PCLO: variants seen among roughly 807,000 people sequenced by gnomAD.
The protein encoded by PCLO is protein piccolo.
Under a neutral mutation model 427.5 loss-of-function variants are expected in PCLO, and 82 were observed. The observed-to-expected ratio is 0.19, with a 90% CI of 0.16 to 0.23. The LOEUF is 0.23. Ranked by LOEUF, PCLO falls within the 10% of genes least tolerant of loss-of-function variation. The pLI is 1.00. For synonymous variants in PCLO, 2,357 were observed against 2,155.4 expected (o/e 1.09, Z -2.59); for missense variants, 6,239 against 6,115.9 (o/e 1.02, Z -0.67).
Position 82,959,799 on chromosome 7 carries a change from C to T in PCLO, c.4018-2864G>A, listed in dbSNP as rs567634634. On this transcript the variant is annotated intron_variant, in intron 4 of 24. Coordinates refer to ENST00000333891, the MANE Select transcript of PCLO (RefSeq NM_033026.6). ...TGGTGATGCTGCAATGATTTTTTTT[C>T]CCCTAAATAACTTTTGCATATTATA... 3.9e-5 allele frequency among the ~76,000 whole-genome samples: 6 copies of T among 152,148 alleles called. No homozygotes were observed. The East Asian group carries it at 1.2e-3, about 29-fold the overall frequency.
intron 3 of PCLO, among the ~76,000 whole-genome samples, chr7:83,040,812 T>A (rs2116209993): frequency 6.6e-6 from 1 of 152,308 alleles, no homozygotes; most frequent in African/African-American, 2.4e-5. Context: ...GCAAAATCTC[T>A]GAGTGATGGA....
chr7:82,965,964 T>G lies in PCLO; in HGVS notation c.3824A>C (p.Lys1275Thr). The change falls in exon 4 of 25, where the codon AAG (lysine) becomes ACG (threonine). Residue 1275 changes from lysine (K) to threonine (T), a missense_variant. This residue lies in a region of PCLO where 4,677 missense variants were observed against 4,468.4 expected (regional missense o/e 1.05). Transcript: ENST00000333891. Reference protein sequence around the residue: ...LKSQVQIAEEKLEGRVAPKTV... With the variant: ...LKSQVQIAEETLEGRVAPKTV... Reference sequence around the variant, plus strand: ...CTTTGGAGCCACTCTGCCTTCAAGCTTTTCTTCAGCAATTTGTACTTGAGA... The same window carrying G: ...CTTTGGAGCCACTCTGCCTTCAAGCGTTTCTTCAGCAATTTGTACTTGAGA... 3 of 1,613,848 alleles carry G rather than the reference T, an allele frequency of 1.9e-6. No individual in the cohort carries two copies. Among genetic ancestry groups the G allele is most frequent in the African/African-American group, 1.3e-5 (1 of 75,020 alleles).
chr7:82,943,670 C>A (rs560012238), intron 6 of PCLO, among the ~76,000 whole-genome samples: 1 of 152,046 alleles, frequency 6.6e-6, no homozygotes, highest in Admixed American at 6.6e-5. Flanking sequence ...GGATGTAAAT[C>A]AGTCTCATTG....
rs201039517 is a variant in PCLO, at chr7:83,062,273, A to C, written c.3300+71977T>G. Reference sequence around the variant, plus strand: ...TGAAGAATCAATGCTCCTGCTAAGAAGTAACATTTCTTTTCACCAATGTGC... The same window carrying C: ...TGAAGAATCAATGCTCCTGCTAAGACGTAACATTTCTTTTCACCAATGTGC... On this transcript the variant is annotated intron_variant, in intron 3 of 24. Transcript: ENST00000333891. Among the ~76,000 whole-genome samples, 4 of 152,284 alleles carry C rather than the reference A, an allele frequency of 2.6e-5. No homozygotes were observed. In the East Asian group the frequency reaches 5.8e-4, roughly 22 times the overall value.
At chr7:82,976,326 C>G (rs1335089606) in intron 3 of PCLO, among the ~76,000 whole-genome samples, 1 of 152,176 alleles carries the variant, frequency 6.6e-6, no homozygotes, top group Non-Finnish European at 1.5e-5. Flanking sequence ...ATCCTCTCCC[C>G]TACTTTAAAT....
chr7:82,835,782 G>T, intron 15 of PCLO, 89 bp from the exon 16 acceptor site: 1 of 973,966 alleles, frequency 1.0e-6, no homozygotes. Flanking sequence ...AAATAAGAAA[G>T]AAAACATGAA....
rs201777062 is a variant in PCLO, at chr7:82,950,308, C to A, written c.10280G>T (p.Gly3427Val). The change falls in exon 6 of 25, where the codon GGA becomes GTA. Residue 3427 changes from glycine to valine, a missense_variant. Around this residue, in one of 5 missense-constraint regions of PCLO, gnomAD observed 4,677 missense variants for 4,468.4 expected, o/e 1.05. Transcript: ENST00000333891. ...TCGGGGATCATCTGTCATATTTTCT[C>A]CCATGTCATCATACTGTCCTCGGAC... ...AKVRGQYDDM[G>V]ENMTDDPRSF... The A allele has an allele frequency of 8.7e-6, 14 of 1,613,508 alleles. No individual in the cohort carries two copies. In the African/African-American group the frequency reaches 1.9e-4, roughly 22 times the overall value.
intron 16 of PCLO, among the ~76,000 whole-genome samples, chr7:82,832,800 T>TACACACACACACAC (rs10645073): frequency 4.3e-5 from 6 of 140,696 alleles, no homozygotes; most frequent in East Asian, 2.1e-4. Flanking sequence ...CTAAACTTAC[T>TACACACACACACAC]ACACACACAC....
intron 20 of PCLO, among the ~76,000 whole-genome samples, chr7:82,810,867 G>C (rs1342416299): frequency 6.6e-6 from 1 of 151,602 alleles, no homozygotes; most frequent in African/African-American, 2.4e-5. Flanking sequence ...TTTGCTCTGA[G>C]AGCACGGATT....
intron 3 of PCLO, among the ~76,000 whole-genome samples, chr7:83,068,065 A>G (rs942062901): frequency 2.0e-5 from 3 of 152,210 alleles, no homozygotes; most frequent in African/African-American, 7.2e-5. Flanking sequence ...TGGGTAATAT[A>G]TAAAAGTCAA....
At chr7:82,866,692 A>T (rs1793102380) in intron 10 of PCLO, among the ~76,000 whole-genome samples, 1 of 147,120 alleles carries the variant, frequency 6.8e-6, no homozygotes, top group South Asian at 2.1e-4. Context: ...ACACACACAC[A>T]CACACCCCTT....
At chr7:83,161,609 AT>A (rs1792438518) in intron 1 of PCLO, among the ~76,000 whole-genome samples, 2 of 152,232 alleles carry the variant, frequency 1.3e-5, no homozygotes, top group African/African-American at 4.8e-5. Flanking sequence ...AAAAGTATGT[AT>A]TGAAAATTAT....
rs140711638 is a variant in PCLO at position 82,769,053 on chromosome 7, A to C, written c.15008-7560T>G. On this transcript the variant is annotated intron_variant, in intron 22 of 24. Coordinates refer to ENST00000333891, the MANE Select transcript of PCLO (RefSeq NM_033026.6). The stretch of plus-strand genomic sequence containing the variant: ...GGCTGAACTTTAATCTAGATCTTCT[A>C]ATTTTAAGTCTAAGGCTCCATTCTC... 7.6e-3 allele frequency among the ~76,000 whole-genome samples: 1,152 copies of C among 152,288 alleles called. 6 individuals are homozygous for C. Among genetic ancestry groups the C allele is most frequent in the Non-Finnish European group, 0.01 (706 of 68,016 alleles).
intron 24 of PCLO, among the ~76,000 whole-genome samples, chr7:82,759,379 C>A (rs535755467): frequency 5.9e-5 from 9 of 151,808 alleles, no homozygotes; most frequent in Non-Finnish European, 1.0e-4. Flanking sequence ...TTATTCCTGG[C>A]GAAAACTTTT....
chr7:83,087,945 A>AT (rs1277360535), intron 3 of PCLO, among the ~76,000 whole-genome samples: 1 of 152,212 alleles, frequency 6.6e-6, no homozygotes. Flanking sequence ...AAATTGCCGA[A>AT]TTGATTTAAC....
intron 2 of PCLO, among the ~76,000 whole-genome samples, chr7:83,144,733 AGATT>A (rs939877666): frequency 3.9e-5 from 6 of 152,200 alleles, no homozygotes; most frequent in African/African-American, 1.4e-4. Flanking sequence ...TTTACAGGAT[AGATT>A]AACTATCCTA....
At chr7:82,929,092 G>T (rs1287012707) in intron 6 of PCLO, among the ~76,000 whole-genome samples, 1 of 152,096 alleles carries the variant, frequency 6.6e-6, no homozygotes, top group Non-Finnish European at 1.5e-5. Context: ...TAAGGGTCAA[G>T]AGCAAGAAAG....
rs1469813077 is a variant in PCLO, at chr7:82,761,355, A to G, written c.15142+4T>C. On this transcript the variant is annotated splice_donor_region_variant and intron_variant, in intron 23 of 24. Coordinates refer to ENST00000333891, the MANE Select transcript of PCLO (RefSeq NM_033026.6). Reference sequence around the variant, plus strand: ...ATATTGATGATTATAATAGAATTAGATACCTGGTAGATGATCAGGAGACTT... The same window carrying G: ...ATATTGATGATTATAATAGAATTAGGTACCTGGTAGATGATCAGGAGACTT... The G allele has an allele frequency of 1.4e-6, 2 of 1,410,692 alleles. No homozygotes were observed. Among genetic ancestry groups the G allele is most frequent in the Admixed American group, 2.0e-5 (1 of 49,982 alleles). 87.4% of individuals were successfully genotyped at this position (1,410,692 alleles called of 1,614,324 possible). A position where few individuals can be genotyped will look rare whatever the true frequency, so the allele number is the denominator to read the frequency against.
chr7:82,827,662 T>C (rs1038925757), intron 17 of PCLO, among the ~76,000 whole-genome samples: 9 of 152,128 alleles, frequency 5.9e-5, no homozygotes, highest in Non-Finnish European at 1.2e-4. Flanking sequence ...TGTTTATGTT[T>C]TGGCTGCTTT....
Sources: allele counts gnomAD v4.1 joint callset (sites outside exome capture counted in the v4.1 genomes callset), GRCh38; gene constraint gnomAD v4.1.1; regional missense constraint gnomAD v4.1.1; transcripts MANE v1.5; gene names NCBI Gene and HGNC (gene_info 2026-07-23, HGNC 2026-07-21).